DENND1A: variants seen among roughly 807,000 people sequenced by gnomAD.
DENND1A encodes DENN domain containing 1A.
A neutral mutation model predicts 113.7 loss-of-function variants in DENND1A; 51 were observed. The observed-to-expected ratio is 0.45, with a 90% CI of 0.36 to 0.57. The LOEUF (loss-of-function observed/expected upper bound fraction) is 0.57, where lower values mean the gene tolerates loss of function less well. DENND1A is among the 20% of genes least tolerant of loss of function. The pLI, the probability that DENND1A is intolerant of heterozygous loss-of-function variation, is 0.00. For synonymous variants in DENND1A, 565 were observed against 570.8 expected (o/e 0.99, Z 0.14); for missense variants, 1,258 against 1,395.9 (o/e 0.90, Z 1.57).
At chr9:123,853,079 C>T (rs1008881442) in intron 2 of DENND1A, among the ~76,000 whole-genome samples, 3 of 151,834 alleles carry the variant, frequency 2.0e-5, no homozygotes, top group African/African-American at 7.2e-5. Context: ...ACCACCACAT[C>T]CAGCTAATTT....
intron 13 of DENND1A, 90 bp from the exon 14 acceptor site, chr9:123,457,987 C>T (rs1564525941): frequency 3.2e-6 from 3 of 935,700 alleles, no homozygotes; most frequent in African/African-American, 1.7e-5. Context: ...TCTCCATCTG[C>T]TATTTTTTTT....
chr9:123,603,887 T>C (rs1291095060), intron 11 of DENND1A, among the ~76,000 whole-genome samples: 1 of 152,238 alleles, frequency 6.6e-6, no homozygotes, highest in Admixed American at 6.5e-5. Flanking sequence ...ATCTGAATTT[T>C]ATGTACATGT....
At chr9:123,716,579 T>C (rs1446589965) in intron 5 of DENND1A, among the ~76,000 whole-genome samples, 1 of 150,506 alleles carries the variant, frequency 6.6e-6, no homozygotes, top group Admixed American at 6.6e-5. Flanking sequence ...TGACAAGACA[T>C]CCATTAAAGA....
chr9:123,404,383 C>G (rs557943327), intron 20 of DENND1A, among the ~76,000 whole-genome samples: 6 of 152,236 alleles, frequency 3.9e-5, no homozygotes, highest in Non-Finnish European at 8.8e-5. Context: ...TCCCAGTGCC[C>G]GAGAGGGATG....
intron 19 of DENND1A, among the ~76,000 whole-genome samples, chr9:123,434,968 G>C (rs995459243): frequency 6.6e-6 from 1 of 152,182 alleles, no homozygotes; most frequent in African/African-American, 2.4e-5. Flanking sequence ...GTGATGGAGA[G>C]GAGAGGATGA....
At chr9:123,413,933 C>G (rs1025963230) in intron 19 of DENND1A, 1 of 986,610 alleles carries the variant, frequency 1.0e-6, no homozygotes, top group Non-Finnish European at 1.2e-6. Flanking sequence ...TGTCTAGACA[C>G]CCAGCTCTCC....
At chr9:123,917,998 C>A (rs1458006057) in intron 1 of DENND1A, among the ~76,000 whole-genome samples, 1 of 150,658 alleles carries the variant, frequency 6.6e-6, no homozygotes, top group Non-Finnish European at 1.5e-5. Flanking sequence ...CCTGTAGTCC[C>A]AGCTACTTGG....
chr9:123,787,076 G>A (rs1832298538), intron 3 of DENND1A, among the ~76,000 whole-genome samples: 1 of 152,070 alleles, frequency 6.6e-6, no homozygotes, highest in South Asian at 2.1e-4. Flanking sequence ...GTTTAAACAA[G>A]CCACTGTCGA....
intron 2 of DENND1A, among the ~76,000 whole-genome samples, chr9:123,794,209 C>T (rs1833441193): frequency 6.6e-6 from 1 of 152,120 alleles, no homozygotes; most frequent in Admixed American, 6.6e-5. Flanking sequence ...AAGAATTCGC[C>T]AGCAGGAGAC....
chr9:123,627,408 C>G (rs1346889696), intron 10 of DENND1A, among the ~76,000 whole-genome samples: 1 of 152,182 alleles, frequency 6.6e-6, no homozygotes, highest in Non-Finnish European at 1.5e-5. Context: ...AGTGCAGTGC[C>G]TAAGACATGG....
At chr9:123,878,898 G>T in intron 2 of DENND1A, 53 bp downstream of exon 2, 1 of 1,559,954 alleles carries the variant, frequency 6.4e-7, no homozygotes. Context: ...CACGTGCATA[G>T]CTATCTCAAA....
At chr9:123,442,117 A>G (rs1035965447) in intron 18 of DENND1A, among the ~76,000 whole-genome samples, 3 of 152,340 alleles carry the variant, frequency 2.0e-5, no homozygotes, top group African/African-American at 7.2e-5. Flanking sequence ...TATTACTACC[A>G]ATTACTACCA....
At chr9:123,495,821 T>A (rs1418468539) in intron 13 of DENND1A, among the ~76,000 whole-genome samples, 1 of 152,248 alleles carries the variant, frequency 6.6e-6, no homozygotes, top group Non-Finnish European at 1.5e-5. Context: ...TTTCCTATTG[T>A]TATAATGGCC....
In DENND1A at chr9:123,440,406, G is replaced by A; in HGVS notation, c.1442C>T (p.Pro481Leu). The change falls in exon 19 of 24, where the codon CCC becomes CTC. Residue 481 changes from proline (P) to leucine (L), a missense_variant. This residue lies in a region of DENND1A where 1,159 missense variants were observed against 1,231.7 expected (regional missense o/e 0.94). Coordinates refer to ENST00000394215, the MANE Select transcript of DENND1A (RefSeq NM_001352964.2). ...TGGCCGCCGGTCTTCTCGGAGCTTG[G>A]GGTCCTTGGCCTCCACCAGTGGGGA... ...APSPLVEAKDPKLREDRRPIT... is the reference protein window; with the variant it reads ...APSPLVEAKDLKLREDRRPIT... 6.3e-7 allele frequency: 1 copy of A among 1,599,312 alleles called. No homozygotes were observed. The highest frequency in any genetic ancestry group is 8.5e-7 in the Non-Finnish European group (1 of 1,174,428).
chr9:123,800,642 T>C (rs1564294852), intron 2 of DENND1A, among the ~76,000 whole-genome samples: 1 of 152,232 alleles, frequency 6.6e-6, no homozygotes, highest in African/African-American at 2.4e-5. Flanking sequence ...CAACATGTTT[T>C]CATGAAACAG....
At chr9:123,778,993 G>T (rs1432447870) in intron 3 of DENND1A, among the ~76,000 whole-genome samples, 2 of 152,240 alleles carry the variant, frequency 1.3e-5, no homozygotes, top group East Asian at 3.9e-4. Flanking sequence ...AATAAAACAT[G>T]TTTCCACCAT....
chr9:123,544,881 C>T (rs1473558968), intron 13 of DENND1A, among the ~76,000 whole-genome samples: 3 of 152,018 alleles, frequency 2.0e-5, no homozygotes, highest in African/African-American at 7.2e-5. Context: ...GGCGGATCAC[C>T]AGGTCAGGAG....
rs117093504 is a variant in DENND1A, at chr9:123,635,038, C to T, written c.619-4562G>A. ...CGAGGAGAAGGCAGTGGGAGTAGGA[C>T]ATGAACGGAGAGTGATCAATGACGG... is the stretch of plus-strand genomic sequence containing the variant. On this transcript the variant is annotated intron_variant, in intron 9 of 23. Coordinates refer to ENST00000394215, the MANE Select transcript of DENND1A (RefSeq NM_001352964.2). Among the ~76,000 whole-genome samples, 783 of 152,230 alleles carry T rather than the reference C, an allele frequency of 5.1e-3. 1 individual carries two copies. Among genetic ancestry groups the T allele is most frequent in the Middle Eastern group, 0.02 (6 of 294 alleles).
chr9:123,808,843 C>T (rs1010620579), intron 2 of DENND1A, among the ~76,000 whole-genome samples: 1 of 152,216 alleles, frequency 6.6e-6, no homozygotes, highest in African/African-American at 2.4e-5. Flanking sequence ...CTCAAGCCAA[C>T]AACCCCACAC....
Sources: allele counts gnomAD v4.1 joint callset (sites outside exome capture counted in the v4.1 genomes callset), GRCh38; gene constraint gnomAD v4.1.1; regional missense constraint gnomAD v4.1.1; transcripts MANE v1.5; gene names NCBI Gene and HGNC (gene_info 2026-07-23, HGNC 2026-07-21).